EPB41L4B: variants seen among roughly 807,000 people sequenced by gnomAD.
EPB41L4B encodes erythrocyte membrane protein band 4.1 like 4B, also known as band 4.1-like protein 4B.
In EPB41L4B, 30 loss-of-function variants were observed where a neutral mutation model predicts 112.5. That is an observed-to-expected ratio of 0.27 (90% confidence interval 0.20 to 0.36). The LOEUF is 0.36. EPB41L4B is among the 10% of genes least tolerant of loss of function. EPB41L4B has a pLI of 1.00. For synonymous variants in EPB41L4B, 408 were observed against 439.7 expected (o/e 0.93, Z 0.90); for missense variants, 1,024 against 1,133.3 (o/e 0.90, Z 1.38).
At position 109,176,673 on chromosome 9, in the gene EPB41L4B, T is replaced by G; in HGVS notation, c.2511A>C (p.Leu837Phe). Residue 837 changes from leucine (L) to phenylalanine (F), a missense_variant, in exon 25 of 26, where the codon TTA (leucine) becomes TTC (phenylalanine). Coordinates refer to ENST00000374566, the MANE Select transcript of EPB41L4B (RefSeq NM_019114.5). Reference sequence around the variant, plus strand: ...GGGAAGTCGGGCCAGGACAGCACTGTAATTTACTGTCTCTGAAGTCTGCCT... The same window carrying G: ...GGGAAGTCGGGCCAGGACAGCACTGGAATTTACTGTCTCTGAAGTCTGCCT... ...QFTADFRDSK[L>F]QCCPGPTSPL... is the part of the protein sequence containing the mutation. 1.2e-6 allele frequency: 2 copies of G among 1,613,276 alleles called. No individual in the cohort carries two copies. Among genetic ancestry groups the G allele is most frequent in the Non-Finnish European group, 1.7e-6 (2 of 1,179,834 alleles).
chr9:109,203,198 T>C (rs965372287), intron 19 of EPB41L4B, among the ~76,000 whole-genome samples: 1 of 152,104 alleles, frequency 6.6e-6, no homozygotes, highest in South Asian at 2.1e-4. Context: ...GGAACATATG[T>C]GGCTCCAGCA....
At chr9:109,199,200 T>G (rs1019736425) in intron 20 of EPB41L4B, among the ~76,000 whole-genome samples, 1 of 152,138 alleles carries the variant, frequency 6.6e-6, no homozygotes, top group African/African-American at 2.4e-5. Flanking sequence ...CAAAGCTCAG[T>G]GATTAGCTTT....
chr9:109,278,323 T>C (rs529447360), intron 2 of EPB41L4B, among the ~76,000 whole-genome samples: 2 of 151,916 alleles, frequency 1.3e-5, no homozygotes, highest in Admixed American at 6.5e-5. Flanking sequence ...GCAGAGGAAG[T>C]GGCTGAGGTT....
At chr9:109,203,623 A>G (rs752534531) in intron 19 of EPB41L4B, 40 bp downstream of exon 19, 2 of 1,465,766 alleles carry the variant, frequency 1.4e-6, no homozygotes, top group Non-Finnish European at 1.9e-6. Flanking sequence ...TTGATGATAC[A>G]GAGAATATCA....
At chr9:109,319,401 C>G (rs966555338) in intron 1 of EPB41L4B, among the ~76,000 whole-genome samples, 1 of 152,168 alleles carries the variant, frequency 6.6e-6, no homozygotes, top group African/African-American at 2.4e-5. Flanking sequence ...GCGCCTGGCC[C>G]CCCGGGCACC....
chr9:109,175,906 T>C (rs1042645594), intron 25 of EPB41L4B, among the ~76,000 whole-genome samples: 2 of 152,026 alleles, frequency 1.3e-5, no homozygotes, highest in African/African-American at 4.8e-5. Context: ...CTCTGCGCAG[T>C]ACTCCTCCCA....
intron 20 of EPB41L4B, among the ~76,000 whole-genome samples, chr9:109,198,925 CAAA>C (rs56042513): frequency 5.6e-5 from 6 of 106,846 alleles, no homozygotes; most frequent in Non-Finnish European, 6.0e-5. Flanking sequence ...GGCTCTGTCT[CAAA>C]AAAAAAAAAA....
At chr9:109,294,088 C>T (rs1181294387) in intron 1 of EPB41L4B, among the ~76,000 whole-genome samples, 5 of 151,952 alleles carry the variant, frequency 3.3e-5, no homozygotes, top group African/African-American at 9.7e-5. Flanking sequence ...AGGCAGATCA[C>T]GAGGTCAGGA....
At chr9:109,310,710 G>T (rs1042932360) in intron 1 of EPB41L4B, among the ~76,000 whole-genome samples, 1 of 152,198 alleles carries the variant, frequency 6.6e-6, no homozygotes, top group Non-Finnish European at 1.5e-5. Flanking sequence ...GGTGAGGGCT[G>T]GGGACATCCA....
At chr9:109,208,437 G>A (rs2118787872) in intron 17 of EPB41L4B, among the ~76,000 whole-genome samples, 1 of 152,268 alleles carries the variant, frequency 6.6e-6, no homozygotes, top group East Asian at 1.9e-4. Context: ...GACTTGTTGG[G>A]TCCAGGGGAA....
At chr9:109,182,234 A>C (rs1417058947) in intron 24 of EPB41L4B, among the ~76,000 whole-genome samples, 1 of 152,198 alleles carries the variant, frequency 6.6e-6, no homozygotes, top group East Asian at 1.9e-4. Flanking sequence ...AACAAACAAA[A>C]AAAGAAATGA....
At chr9:109,226,786 T>C (rs1234207424) in intron 15 of EPB41L4B, among the ~76,000 whole-genome samples, 3 of 147,064 alleles carry the variant, frequency 2.0e-5, no homozygotes, top group South Asian at 2.1e-4. Context: ...ATATGAAGAA[T>C]ATATATGAAG....
At chr9:109,239,118 G>C (rs886757031) in intron 15 of EPB41L4B, among the ~76,000 whole-genome samples, 1 of 152,198 alleles carries the variant, frequency 6.6e-6, no homozygotes, top group Admixed American at 6.5e-5. Flanking sequence ...GGGAGATCAG[G>C]AAGGGCACCT....
At chr9:109,198,847 T>C (rs576742130) in intron 20 of EPB41L4B, among the ~76,000 whole-genome samples, 5 of 151,008 alleles carry the variant, frequency 3.3e-5, no homozygotes, top group African/African-American at 9.7e-5. Flanking sequence ...GAGGTGGAGA[T>C]TGCAGTGAGC....
rs1219256956 is a variant in EPB41L4B at position 109,256,421 on chromosome 9, A to G, written c.812T>C (p.Met271Thr). 1 of 1,614,176 alleles carries G rather than the reference A, an allele frequency of 6.2e-7. No homozygotes were observed. The highest frequency in any genetic ancestry group is 1.7e-5 in the Admixed American group (1 of 60,026). Residue 271 changes from methionine (M) to threonine (T), a missense_variant, in exon 8 of 26, where the codon ATG becomes ACG. By Grantham distance (81) the Met-to-Thr change is moderately conservative. Coordinates refer to ENST00000374566, the MANE Select transcript of EPB41L4B (RefSeq NM_019114.5). ...GACAACGTGCATGTCTACCCCATAC[A>G]TTTCCAGCCACTTCGCTTTATTCAG... ...SYLNKAKWLE[M>T]YGVDMHVVRG...
chr9:109,211,414 G>T (rs985046783), intron 17 of EPB41L4B, among the ~76,000 whole-genome samples: 1 of 151,900 alleles, frequency 6.6e-6, no homozygotes, highest in Non-Finnish European at 1.5e-5. Flanking sequence ...GACCAACATG[G>T]TGAAATCCCA....
chr9:109,312,981 G>C (rs7852509), intron 1 of EPB41L4B, among the ~76,000 whole-genome samples: 112,123 of 151,980 alleles, frequency 0.74, 42,541 homozygotes, highest in African/African-American at 0.92. Flanking sequence ...TGGCTCACAC[G>C]TGTAATCCCA....
intron 1 of EPB41L4B, among the ~76,000 whole-genome samples, chr9:109,291,720 C>T (rs1019425556): frequency 4.6e-5 from 7 of 152,096 alleles, no homozygotes; most frequent in Non-Finnish European, 8.8e-5. Context: ...TGTGCGAGTC[C>T]GTGGAAGGAG....
chr9:109,178,504 T>C (rs1057338773), intron 24 of EPB41L4B, among the ~76,000 whole-genome samples: 1 of 151,972 alleles, frequency 6.6e-6, no homozygotes, highest in Non-Finnish European at 1.5e-5. Flanking sequence ...GCCTCCTGAG[T>C]AGCTGGGGTT....
Sources: allele counts gnomAD v4.1 joint callset (sites outside exome capture counted in the v4.1 genomes callset), GRCh38; gene constraint gnomAD v4.1.1; transcripts MANE v1.5; gene names NCBI Gene and HGNC (gene_info 2026-07-23, HGNC 2026-07-21).